The following POLRMT variants were observed in gnomAD, a reference collection of about 807,000 sequenced individuals.
POLRMT encodes the protein RNA polymerase mitochondrial.
Under a neutral mutation model 132.2 loss-of-function variants are expected in POLRMT, and 114 were observed. The observed-to-expected ratio is 0.86, with a 90% confidence interval of 0.74 to 1.01. POLRMT has a LOEUF of 1.01. Ranked by LOEUF, POLRMT falls within the 50% of genes least tolerant of loss-of-function variation. The pLI, the probability that POLRMT is intolerant of heterozygous loss-of-function variation, is 0.00. For missense variants in POLRMT, 2,003 were observed against 1,729.1 expected (o/e 1.16, Z -2.81); for synonymous variants, 1,020 against 773.4 (o/e 1.32, Z -5.29).
chr19:622,808 G>C lies in POLRMT; in HGVS notation c.1455+13C>G. On this transcript the variant is annotated intron_variant, in intron 7 of 20. Coordinates refer to ENST00000588649, the MANE Select transcript of POLRMT (RefSeq NM_005035.4). ...CCCCGCCCGGGGACCCGGCCGCGCG[G>C]AGGAAGACGCACCTGCAGGAGCATC... 6.3e-7 allele frequency: 1 copy of C among 1,582,318 alleles called. No individual in the cohort carries two copies. Among genetic ancestry groups the C allele is most frequent in the African/African-American group, 1.3e-5 (1 of 74,224 alleles).
rs779957920 is a variant in POLRMT at position 633,489 on chromosome 19, G to A, written c.24C>T (p.Arg8=). The change falls in exon 1 of 21, where the codon CGC becomes CGT. Residue 8 remains arginine, a synonymous_variant. Coordinates refer to ENST00000588649, the MANE Select transcript of POLRMT (RefSeq NM_005035.4). ...GGGCTCGTTTGAGCCCCGCCGCTCC[G>A]CGGCCCCAGCAAAGTGCCGACATTA... The part of the protein sequence containing the change: MSALCWG[R]GAAGLKRALR... The A allele has an allele frequency of 5.8e-6, 9 of 1,545,690 alleles. No individual in the cohort carries two copies. Among genetic ancestry groups the A allele is most frequent in the African/African-American group, 3.0e-5 (2 of 66,838 alleles).
intron 3 of POLRMT, among the ~76,000 whole-genome samples, chr19:627,646 C>T (rs114768153): frequency 0.011 from 1,619 of 151,836 alleles, 39 homozygotes; most frequent in African/African-American, 0.037. Flanking sequence ...AATACGTGGC[C>T]GGGCGCGGTC....
At chr19:623,642 A>T in intron 5 of POLRMT, 39 bp from the exon 6 acceptor site, 1 of 1,603,684 alleles carries the variant, frequency 6.2e-7, no homozygotes, top group Non-Finnish European at 8.5e-7. Flanking sequence ...GGCTTGCCAG[A>T]GGGCGACCTG....
At chr19:621,989 A>C in intron 9 of POLRMT, 143 bp from the exon 10 acceptor site, 2 of 1,186,076 alleles carry the variant, frequency 1.7e-6, no homozygotes, top group Non-Finnish European at 2.3e-6. Flanking sequence ...ACCTCCAGAA[A>C]CGGCCGGACA....
intron 3 of POLRMT, 79 bp from the exon 4 acceptor site, chr19:625,333 T>A (rs1423318781): frequency 8.9e-6 from 14 of 1,572,866 alleles, no homozygotes; most frequent in African/African-American, 4.1e-5. Flanking sequence ...AGACCCCTTC[T>A]CTGTAGCCAC....
In POLRMT at chr19:625,643, G is replaced by A. The variant is rs139212186; in HGVS notation, c.823-389C>T. The stretch of plus-strand genomic sequence containing the variant: ...CTCTCATCTACTTGCTTTAGGTTTA[G>A]TGACAGCTTCTTCTTCTAGTTTCCT... On this transcript the variant is annotated intron_variant, in intron 3 of 20. Coordinates refer to ENST00000588649, the MANE Select transcript of POLRMT (RefSeq NM_005035.4). The A allele has an allele frequency of 1.2e-3, 204 of 172,018 alleles. 1 individual carries two copies. The highest frequency in any genetic ancestry group is 3.8e-3 in the African/African-American group (159 of 41,956). The allele number at this position is 172,018 out of a possible 1,614,324, so 10.7% of individuals were successfully genotyped here. A position where few individuals can be genotyped will look rare whatever the true frequency, so the allele number is the denominator to read the frequency against.
chr19:618,549 G>A lies in POLRMT; in HGVS notation c.3361C>T (p.Pro1121Ser), dbSNP rs779192949. 98 of 1,613,300 alleles carry A rather than the reference G, an allele frequency of 6.1e-5. No individual in the cohort carries two copies. Among genetic ancestry groups the A allele is most frequent in the Non-Finnish European group, 8.1e-5 (95 of 1,179,606 alleles). The change falls in exon 17 of 21, where the codon CCC (proline) becomes TCC (serine). Residue 1121 changes from proline (P) to serine (S), a missense_variant. Coordinates refer to ENST00000588649, the MANE Select transcript of POLRMT (RefSeq NM_005035.4). ...GAGTCCAGCGAGTGGATGAAGTTGG[G>A]CGGGAAGCCGTTCTTCTGCTTACGT... is the stretch of plus-strand genomic sequence containing the variant. ...NTRKQKNGFPPNFIHSLDSSH... is the reference protein window; with the variant it reads ...NTRKQKNGFPSNFIHSLDSSH...
intron 1 of POLRMT, 21 bp downstream of exon 1, chr19:633,404 G>A (rs1985572775): frequency 3.3e-6 from 5 of 1,508,246 alleles, no homozygotes; most frequent in African/African-American, 1.5e-5. Flanking sequence ...CGGGCTGCCT[G>A]GCCGTCTCCC....
Position 624,782 on chromosome 19 carries a change from G to A in POLRMT, c.1077C>T (p.Ser359=). 1.9e-6 allele frequency: 3 copies of A among 1,613,578 alleles called. No homozygotes were observed. The highest frequency in any genetic ancestry group is 2.5e-6 in the Non-Finnish European group (3 of 1,180,006). The change falls in exon 5 of 21, where the codon AGC becomes AGT. Residue 359 remains serine (S), a synonymous_variant. Coordinates refer to ENST00000588649, the MANE Select transcript of POLRMT (RefSeq NM_005035.4). ...KAVHKVKPTF[S]LPPQLPPPVN... is the part of the protein sequence containing the mutation. Reference sequence around the variant, plus strand: ...CCGGGGGCGGCAGCTGCGGCGGGAGGCTGAAGGTGGGCTTCACCTTGTGCA... The same window carrying A: ...CCGGGGGCGGCAGCTGCGGCGGGAGACTGAAGGTGGGCTTCACCTTGTGCA...
chr19:628,833 G>A (rs947437467), intron 3 of POLRMT, among the ~76,000 whole-genome samples: 8 of 151,976 alleles, frequency 5.3e-5, no homozygotes, highest in African/African-American at 1.5e-4. Flanking sequence ...TGAAACCCCC[G>A]TCTCTACTCA....
At position 617,592 on chromosome 19, in the gene POLRMT, G is replaced by C. The variant is rs942642442; in HGVS notation, c.3559C>G (p.Leu1187Val). ...EPILQDLSRFLVKRFCSEPQK... is the reference protein window; with the variant it reads ...EPILQDLSRFVVKRFCSEPQK... ...TACTCAGAGCAGAACCGCTTGACCA[G>C]GAATCTGGACAGGTCCTGCAGGATG... Residue 1187 changes from leucine to valine, a missense_variant, in exon 19 of 21, where the codon CTG (leucine) becomes GTG (valine). Physicochemically the swap from Leu to Val is conservative, Grantham distance 32. Coordinates refer to ENST00000588649, the MANE Select transcript of POLRMT (RefSeq NM_005035.4). 6.8e-6 allele frequency: 11 copies of C among 1,612,304 alleles called. No individual in the cohort carries two copies. The highest frequency in any genetic ancestry group is 8.5e-6 in the Non-Finnish European group (10 of 1,179,990).
intron 11 of POLRMT, 33 bp from the exon 12 acceptor site, chr19:620,113 C>T: frequency 6.5e-7 from 1 of 1,534,120 alleles, no homozygotes; most frequent in Non-Finnish European, 8.7e-7. Context: ...GAGATGGAAG[C>T]TAGAGAGGCA....
In POLRMT at chr19:622,761, G is replaced by C; in HGVS notation, c.1456-9C>G. The stretch of plus-strand genomic sequence containing the variant: ...GGCAGCGCCTGCAGGACCTGCGGAA[G>C]GCAGCCGTGAGTGCCTGCCCGCCCC... On this transcript the variant is annotated splice_polypyrimidine_tract_variant and intron_variant, in intron 7 of 20. Transcript: ENST00000588649. 1.3e-6 allele frequency: 2 copies of C among 1,579,728 alleles called. No individual in the cohort carries two copies. Among genetic ancestry groups the C allele is most frequent in the Non-Finnish European group, 1.7e-6 (2 of 1,164,870 alleles).
chr19:619,064 A>C lies in POLRMT; in HGVS notation c.3200T>G (p.Val1067Gly), dbSNP rs755913886. ...GCCCAGGGGTGTGACCCACTCCACC[A>C]CAGAGCCCATGTGGGAGATGAGGCG... Reference protein sequence around the residue: ...SARLISHMGSVVEWVTPLGVP... With the variant: ...SARLISHMGSGVEWVTPLGVP... Residue 1067 changes from valine (V) to glycine (G), a missense_variant, in exon 15 of 21, where the codon GTG becomes GGG. Transcript: ENST00000588649. 3.7e-6 allele frequency: 6 copies of C among 1,609,814 alleles called. No homozygotes were observed. In the Admixed American group the frequency reaches 6.8e-5, roughly 18 times the overall value.
chr19:626,721 C>G (rs1042895610), intron 3 of POLRMT, among the ~76,000 whole-genome samples: 2 of 132,868 alleles, frequency 1.5e-5, no homozygotes, highest in African/African-American at 3.3e-5. Context: ...ATTAGCTGGG[C>G]GTGGTGGCAC....
Position 617,249 on chromosome 19 carries a change from A to C in POLRMT, c.*25T>G. 1.2e-6 allele frequency: 2 copies of C among 1,611,964 alleles called. No individual in the cohort carries two copies. The highest frequency in any genetic ancestry group is 1.7e-4 in the Middle Eastern group (1 of 5,746). On this transcript the variant is annotated 3_prime_UTR_variant, in exon 21 of 21. Coordinates refer to ENST00000588649, the MANE Select transcript of POLRMT (RefSeq NM_005035.4). ...TGGGGGTGGCAAAAGAGCTTTATTT[A>C]CACACTGACAAGGCTCACGGGGTGT...
chr19:624,629 G>A lies in POLRMT; in HGVS notation c.1140+90C>T, dbSNP rs561125470. 637 of 1,412,216 alleles carry A rather than the reference G, an allele frequency of 4.5e-4. 4 individuals carry two copies. In the African/African-American group the frequency reaches 6.5e-3, roughly 14 times the overall value. 87.5% of individuals were successfully genotyped at this position (1,412,216 alleles called of 1,614,324 possible). On this transcript the variant is annotated intron_variant, in intron 5 of 20. Coordinates refer to ENST00000588649, the MANE Select transcript of POLRMT (RefSeq NM_005035.4). ...CCAGCCCAGGTGAGCCCTGGGCACC[G>A]GGGAGGCCCATTGGTCTGAGCTGAG...
intron 7 of POLRMT, 27 bp downstream of exon 7, chr19:622,794 G>C (rs766559780): frequency 1.3e-6 from 2 of 1,570,938 alleles, no homozygotes; most frequent in Non-Finnish European, 1.7e-6. Context: ...CCCGCCCGGG[G>C]ACCCGGCCGC....
chr19:628,021 C>T (rs989141007), intron 3 of POLRMT, among the ~76,000 whole-genome samples: 3 of 152,034 alleles, frequency 2.0e-5, no homozygotes, highest in East Asian at 1.9e-4. Context: ...AACAATTATC[C>T]GGGGGTGGTG....
Sources: allele counts gnomAD v4.1 joint callset (sites outside exome capture counted in the v4.1 genomes callset), GRCh38; gene constraint gnomAD v4.1.1; transcripts MANE v1.5; gene names NCBI Gene and HGNC (gene_info 2026-07-23, HGNC 2026-07-21).